The following FHOD3 variants were observed in gnomAD, a reference collection of about 807,000 sequenced individuals.
The protein encoded by FHOD3 is FH1/FH2 domain-containing protein 3.
FHOD3 carries 90 observed loss-of-function variants against 173.0 expected under a neutral mutation model. The observed-to-expected ratio is 0.52, with a 90% CI of 0.44 to 0.62. The LOEUF (loss-of-function observed/expected upper bound fraction) is 0.62, where lower values mean the gene tolerates loss of function less well. Among genes scored for constraint, FHOD3 ranks in the 20% least tolerant of loss-of-function variants. The probability of loss-of-function intolerance (pLI) is 0.00; values close to 1 mark genes in which losing one functional copy is unlikely to be tolerated. For missense variants in FHOD3, 1,945 were observed against 2,034.7 expected (o/e 0.96, Z 0.85); for synonymous variants, 828 against 823.0 (o/e 1.01, Z -0.10).
intron 10 of FHOD3, among the ~76,000 whole-genome samples, chr18:36,637,896 A>T (rs2035004689): frequency 6.6e-6 from 1 of 152,204 alleles, no homozygotes; most frequent in South Asian, 2.1e-4. Flanking sequence ...TATGTTGTGG[A>T]TGCCACCAGC....
At chr18:36,336,525 C>G (rs56371566) in intron 1 of FHOD3, among the ~76,000 whole-genome samples, 1 of 152,122 alleles carries the variant, frequency 6.6e-6, no homozygotes. Context: ...ATTGACCATC[C>G]TCAGCAACCT....
chr18:36,547,698 G>A (rs1053692780), intron 5 of FHOD3, among the ~76,000 whole-genome samples: 5 of 152,152 alleles, frequency 3.3e-5, no homozygotes, highest in African/African-American at 7.2e-5. Flanking sequence ...AAGGAACGTC[G>A]CAGTGTCTGT....
intron 2 of FHOD3, among the ~76,000 whole-genome samples, chr18:36,371,696 A>G (rs1010548789): frequency 5.3e-5 from 8 of 152,242 alleles, no homozygotes; most frequent in African/African-American, 1.9e-4. Flanking sequence ...TCATAATCAC[A>G]GTATTAGTAG....
intron 7 of FHOD3, among the ~76,000 whole-genome samples, chr18:36,600,050 A>C (rs12965001): frequency 0.047 from 7,093 of 152,122 alleles, 222 homozygotes; most frequent in Middle Eastern, 0.082. Context: ...GCGCTAAGGA[A>C]AAAAGACAAA....
chr18:36,489,139 T>G (rs570268123), intron 3 of FHOD3, among the ~76,000 whole-genome samples: 46 of 152,256 alleles, frequency 3.0e-4, no homozygotes, highest in Non-Finnish European at 5.1e-4. Flanking sequence ...CTCCTAAATG[T>G]TCTCCCCAGA....
At chr18:36,649,713 C>T (rs1342250205) in intron 11 of FHOD3, among the ~76,000 whole-genome samples, 1 of 152,148 alleles carries the variant, frequency 6.6e-6, no homozygotes, top group Non-Finnish European at 1.5e-5. Context: ...TTGATGGTGA[C>T]TAAAAAGGCT....
intron 3 of FHOD3, among the ~76,000 whole-genome samples, chr18:36,464,388 C>T (rs2052778192): frequency 6.6e-6 from 1 of 152,138 alleles, no homozygotes; most frequent in Admixed American, 6.6e-5. Flanking sequence ...TTGAGATGTG[C>T]AGCGGGGCAG....
intron 3 of FHOD3, among the ~76,000 whole-genome samples, chr18:36,451,983 A>G (rs535357696): frequency 6.6e-6 from 1 of 150,504 alleles, no homozygotes; most frequent in South Asian, 2.1e-4. Context: ...AAATTTGTCC[A>G]CTTTTGTACC....
chr18:36,549,085 G>T (rs142269638), intron 5 of FHOD3, among the ~76,000 whole-genome samples: 2 of 152,154 alleles, frequency 1.3e-5, no homozygotes, highest in African/African-American at 2.4e-5. Context: ...TCCAACACTT[G>T]GTGTGGTTAG....
chr18:36,765,265 GA>G (rs1179103053), intron 27 of FHOD3, among the ~76,000 whole-genome samples: 4 of 152,274 alleles, frequency 2.6e-5, no homozygotes, highest in South Asian at 2.1e-4. Flanking sequence ...TTGGCCTCAA[GA>G]AAAAGAGAGG....
rs1166520830 is a variant in FHOD3, at chr18:36,627,350, C to T, written c.1196+1601C>T. On this transcript the variant is annotated intron_variant, in intron 10 of 28. Transcript: ENST00000590592. ...TTCTCCTGCTTCATCATGTTTGTTC[C>T]TTGTCTGTTTCTTGCTGTTACACTT... 2.6e-5 allele frequency among the ~76,000 whole-genome samples: 4 copies of T among 152,232 alleles called. No individual in the cohort carries two copies. In the East Asian group the frequency reaches 7.7e-4, roughly 29 times the overall value.
intron 3 of FHOD3, among the ~76,000 whole-genome samples, chr18:36,415,085 AG>A (rs1202341457): frequency 6.6e-6 from 1 of 152,180 alleles, no homozygotes; most frequent in African/African-American, 2.4e-5. Flanking sequence ...TCCCCTCACC[AG>A]GAGGGCCTCA....
intron 9 of FHOD3, among the ~76,000 whole-genome samples, chr18:36,617,612 T>TGTGTGTGTGCGC (rs1331090252): frequency 6.6e-6 from 1 of 151,588 alleles, no homozygotes; most frequent in Non-Finnish European, 1.5e-5. Flanking sequence ...TGTGTGTGTG[T>TGTGTGTGTGCGC]GTGTGTGCAA....
chr18:36,702,557 A>G (rs2039649297), intron 17 of FHOD3, among the ~76,000 whole-genome samples: 1 of 152,220 alleles, frequency 6.6e-6, no homozygotes, highest in Non-Finnish European at 1.5e-5. Flanking sequence ...AGCAACTATT[A>G]TAGAACTGGC....
intron 7 of FHOD3, among the ~76,000 whole-genome samples, chr18:36,599,474 T>C (rs1599818609): frequency 6.6e-6 from 1 of 152,188 alleles, no homozygotes; most frequent in Non-Finnish European, 1.5e-5. Flanking sequence ...AAGCTACAGG[T>C]TGACAGAACT....
rs528839581 is a variant in FHOD3, at chr18:36,618,981, T to G, written c.958-6530T>G. Among the ~76,000 whole-genome samples, 3 of 152,314 alleles carry G rather than the reference T, an allele frequency of 2.0e-5. 1 individual carries two copies. In the East Asian group the frequency reaches 5.8e-4, roughly 29 times the overall value. Reference sequence around the variant, plus strand: ...AGACCTCCTCTCTGTCTGTGTTGTCTGTCTATATTCACCCTAGTGAAGTCA... The same window carrying G: ...AGACCTCCTCTCTGTCTGTGTTGTCGGTCTATATTCACCCTAGTGAAGTCA... On this transcript the variant is annotated intron_variant, in intron 9 of 28. Transcript: ENST00000590592.
chr18:36,497,157 A>G (rs535441472), intron 3 of FHOD3, among the ~76,000 whole-genome samples: 47 of 152,254 alleles, frequency 3.1e-4, no homozygotes, highest in Non-Finnish European at 6.0e-4. Context: ...GACAATTTAA[A>G]CAAATGACTA....
At chr18:36,526,549 A>G (rs2056525070) in intron 5 of FHOD3, among the ~76,000 whole-genome samples, 1 of 151,756 alleles carries the variant, frequency 6.6e-6, no homozygotes, top group African/African-American at 2.4e-5. Context: ...CCTCAGCCTC[A>G]CCACCATGTC....
chr18:36,490,364 AAT>A (rs996369330), intron 3 of FHOD3, among the ~76,000 whole-genome samples: 3 of 152,226 alleles, frequency 2.0e-5, no homozygotes, highest in African/African-American at 4.8e-5. Context: ...CAGAGGGAAA[AAT>A]AGTGTCCTAT....
Sources: allele counts gnomAD v4.1 joint callset (sites outside exome capture counted in the v4.1 genomes callset), GRCh38; gene constraint gnomAD v4.1.1; transcripts MANE v1.5; gene names NCBI Gene and HGNC (gene_info 2026-07-23, HGNC 2026-07-21).